Variants in PDE10A observed in about 807,000 individuals in gnomAD.
PDE10A encodes cAMP and cAMP-inhibited cGMP 3',5'-cyclic phosphodiesterase 10A.
Under a neutral mutation model 97.7 loss-of-function variants are expected in PDE10A, and 39 were observed. The observed-to-expected ratio is 0.40, with a 90% CI of 0.31 to 0.52. The LOEUF is 0.52. PDE10A is among the 20% of genes least tolerant of loss of function. The pLI is 0.56. For missense variants in PDE10A, 731 were observed against 1,047.8 expected, an observed-to-expected ratio of 0.70 and a Z score of 4.17; for synonymous variants, 371 against 376.8, an observed-to-expected ratio of 0.98 and a Z score of 0.18.
chr6:165,726,036 G>A (rs929396844), intron 1 of PDE10A, among the ~76,000 whole-genome samples: 1 of 152,180 alleles, frequency 6.6e-6, no homozygotes, highest in Non-Finnish European at 1.5e-5. Flanking sequence ...TATGGTCTTA[G>A]AAATAAAAGC....
chr6:165,546,864 C>T (rs1434091918), intron 1 of PDE10A, among the ~76,000 whole-genome samples: 4 of 152,010 alleles, frequency 2.6e-5, no homozygotes, highest in South Asian at 2.1e-4. Flanking sequence ...TGGTAGATAA[C>T]GTATATCTCA....
At chr6:165,541,259 G>T (rs1015019923) in intron 2 of PDE10A, among the ~76,000 whole-genome samples, 4 of 151,642 alleles carry the variant, frequency 2.6e-5, no homozygotes, top group Non-Finnish European at 5.9e-5. Flanking sequence ...TCACTCAGCC[G>T]CTTTCCACTG....
At chr6:165,542,394 C>T (rs908587119) in intron 2 of PDE10A, among the ~76,000 whole-genome samples, 1 of 151,954 alleles carries the variant, frequency 6.6e-6, no homozygotes, top group Middle Eastern at 3.2e-3. Context: ...GTTCTTTATT[C>T]GTGAATATAA....
chr6:165,443,173 C>T lies in PDE10A; in HGVS notation c.1194+5755G>A, dbSNP rs570666389. Among the ~76,000 whole-genome samples, 73 of 151,740 alleles carry T rather than the reference C, an allele frequency of 4.8e-4. 1 individual carries two copies. Among genetic ancestry groups the T allele is most frequent in the African/African-American group, 1.7e-3 (71 of 41,360 alleles). ...AGTCTCATCTGAGACAATGCAAGGC[C>T]CTTCCACCTGTGAGCCTCTAAAATC... is the stretch of plus-strand genomic sequence containing the variant. On this transcript the variant is annotated intron_variant, in intron 5 of 21. Transcript: ENST00000539869.
chr6:165,333,904 A>C (rs765937170), intron 21 of PDE10A, among the ~76,000 whole-genome samples: 2 of 152,056 alleles, frequency 1.3e-5, no homozygotes, highest in Non-Finnish European at 2.9e-5. Flanking sequence ...GAAATACAAA[A>C]CTCCTATGAG....
At chr6:165,427,459 G>A (rs1290750153) in intron 10 of PDE10A, among the ~76,000 whole-genome samples, 3 of 152,064 alleles carry the variant, frequency 2.0e-5, no homozygotes, top group Admixed American at 1.3e-4. Flanking sequence ...GCTTAGGGCT[G>A]GTGAGGCAAG....
At chr6:165,817,579 GTAGT>G (rs1329947364) in intron 1 of PDE10A, among the ~76,000 whole-genome samples, 1 of 152,144 alleles carries the variant, frequency 6.6e-6, no homozygotes, top group Non-Finnish European at 1.5e-5. Context: ...CACCCTAGAT[GTAGT>G]TAAACTGTAG....
intron 1 of PDE10A, among the ~76,000 whole-genome samples, chr6:165,721,675 C>T (rs1198953940): frequency 6.6e-6 from 1 of 152,178 alleles, no homozygotes; most frequent in Non-Finnish European, 1.5e-5. Flanking sequence ...ACACTCATTC[C>T]CATTCGAGAG....
In PDE10A at chr6:165,819,123, G is replaced by T. The variant is rs1206137990; in HGVS notation, c.-615+168406C>A. 6.6e-6 allele frequency among the ~76,000 whole-genome samples: 1 copy of T among 152,140 alleles called. No homozygotes were observed. The highest frequency in any genetic ancestry group is 2.4e-5 in the African/African-American group (1 of 41,408). On this transcript the variant is annotated intron_variant, in intron 1 of 19. Coordinates refer to the PDE10A transcript ENST00000366882. The surrounding 1 kb of genome is among the most constrained non-coding windows in gnomAD (Gnocchi z 4.2). ...GGATCCTGCAGGCATCTCAAACTCAGTATTTCCAAAACCAGTTTTCAAAAC... is the reference window on the plus strand; with the variant it reads ...GGATCCTGCAGGCATCTCAAACTCATTATTTCCAAAACCAGTTTTCAAAAC...
At chr6:165,407,272 A>G (rs925039704) in intron 13 of PDE10A, among the ~76,000 whole-genome samples, 2 of 152,154 alleles carry the variant, frequency 1.3e-5, no homozygotes, top group African/African-American at 2.4e-5. Context: ...GTCAGAGAGA[A>G]GCCAGCACAC....
At chr6:165,342,554 T>C (rs1562364846) in intron 19 of PDE10A, among the ~76,000 whole-genome samples, 2 of 152,244 alleles carry the variant, frequency 1.3e-5, no homozygotes, top group Non-Finnish European at 1.5e-5. Context: ...CCCACTAAAC[T>C]TGTGGCTGAA....
chr6:165,622,348 G>A (rs770859626), intron 1 of PDE10A, among the ~76,000 whole-genome samples: 23 of 152,104 alleles, frequency 1.5e-4, no homozygotes, highest in Non-Finnish European at 3.2e-4. Flanking sequence ...CGTGTTGCTA[G>A]TTGGTTTCAT....
intron 1 of PDE10A, among the ~76,000 whole-genome samples, chr6:165,898,937 G>A (rs1782030115): frequency 6.6e-6 from 1 of 152,172 alleles, no homozygotes; most frequent in Non-Finnish European, 1.5e-5. Flanking sequence ...CCATTTCTTT[G>A]GGTCTCTTCT....
chr6:165,568,054 A>G (rs1230941855), intron 1 of PDE10A, among the ~76,000 whole-genome samples: 13 of 128,038 alleles, frequency 1.0e-4, no homozygotes, highest in South Asian at 2.7e-4. Flanking sequence ...GCTGGAGTGC[A>G]GTGGCACAAT....
chr6:165,381,631 ATTTT>A (rs547827126), intron 17 of PDE10A, among the ~76,000 whole-genome samples: 46,447 of 118,268 alleles, frequency 0.39, 7,010 homozygotes, highest in African/African-American at 0.52. Flanking sequence ...CACCTGGCTA[ATTTT>A]TTTTTTTTTT....
chr6:165,400,526 G>T (rs1228509838), intron 13 of PDE10A, among the ~76,000 whole-genome samples: 1 of 152,108 alleles, frequency 6.6e-6, no homozygotes, highest in African/African-American at 2.4e-5. Flanking sequence ...AACAAAAGAT[G>T]GACAAAAGAT....
intron 1 of PDE10A, among the ~76,000 whole-genome samples, chr6:165,777,487 G>A (rs1465000143): frequency 2.5e-5 from 3 of 117,950 alleles, no homozygotes; most frequent in Admixed American, 8.6e-5. Flanking sequence ...AGGGAATCTC[G>A]TCTTTGCAGT....
chr6:165,473,819 C>T (rs1303987631), intron 3 of PDE10A, among the ~76,000 whole-genome samples: 3 of 152,226 alleles, frequency 2.0e-5, no homozygotes, highest in Non-Finnish European at 4.4e-5. Context: ...AACATTACTG[C>T]AATCTACTTT....
chr6:165,689,586 G>T (rs983825333), intron 1 of PDE10A, among the ~76,000 whole-genome samples: 1 of 152,086 alleles, frequency 6.6e-6, no homozygotes, highest in Non-Finnish European at 1.5e-5. Flanking sequence ...TTGTTAAAAG[G>T]AGCCTGGCAC....
Sources: allele counts gnomAD v4.1 joint callset (sites outside exome capture counted in the v4.1 genomes callset), GRCh38; gene constraint gnomAD v4.1.1; non-coding constraint Gnocchi (gnomAD v3.1); transcripts MANE v1.5; gene names NCBI Gene and HGNC (gene_info 2026-07-23, HGNC 2026-07-21).